TEX14: variants seen among roughly 807,000 people sequenced by gnomAD.
TEX14 encodes the protein inactive serine/threonine-protein kinase TEX14.
TEX14 carries 168 observed loss-of-function variants against 178.6 expected under a neutral mutation model. That is an observed-to-expected ratio of 0.94 (90% confidence interval 0.83 to 1.07). The LOEUF (loss-of-function observed/expected upper bound fraction) is 1.07, where lower values mean the gene tolerates loss of function less well. Ranked by LOEUF, TEX14 falls within the 50% of genes least tolerant of loss-of-function variation. The pLI is 0.00. For missense variants in TEX14, 1,730 were observed against 1,753.6 expected (o/e 0.99, Z 0.24); for synonymous variants, 626 against 634.1 (o/e 0.99, Z 0.19).
chr17:58,587,844 C>CCCCCCCCCCCCCCCCCACCA, intron 16 of TEX14, 52 bp downstream of exon 16: 1 of 1,060,390 alleles, frequency 9.4e-7, no homozygotes, highest in Non-Finnish European at 1.5e-6. Context: ...GGTGCCAGAA[C>CCCCCCCCCCCCCCCCCACCA]CCACCCCCAC....
intron 14 of TEX14, among the ~76,000 whole-genome samples, chr17:58,595,973 A>T (rs2045269215): frequency 6.6e-6 from 1 of 152,188 alleles, no homozygotes; most frequent in Non-Finnish European, 1.5e-5. Context: ...TCACAAGGTC[A>T]GGAGTTTGAG....
chr17:58,606,886 G>A (rs2045620073), intron 10 of TEX14, among the ~76,000 whole-genome samples: 1 of 151,630 alleles, frequency 6.6e-6, no homozygotes, highest in Non-Finnish European at 1.5e-5. Context: ...AAATTAGCTG[G>A]GCATGGTGGC....
At chr17:58,595,868 T>C (rs950912314) in intron 14 of TEX14, among the ~76,000 whole-genome samples, 2 of 152,256 alleles carry the variant, frequency 1.3e-5, no homozygotes, top group Non-Finnish European at 1.5e-5. Context: ...TACGCAGCAA[T>C]AGATAACAAA....
intron 3 of TEX14, among the ~76,000 whole-genome samples, chr17:58,624,331 C>A (rs946456958): frequency 1.4e-5 from 2 of 139,742 alleles, no homozygotes; most frequent in South Asian, 2.3e-4. Context: ...ATTTTCTTTT[C>A]TTTTCTTTTC....
chr17:58,624,344 T>TC (rs1430381450), intron 3 of TEX14, among the ~76,000 whole-genome samples: 13 of 148,618 alleles, frequency 8.7e-5, no homozygotes, highest in Non-Finnish European at 3.0e-5. Context: ...TTCTTTTCTT[T>TC]TTTTTTTTTT....
At chr17:58,594,669 A>C in intron 14 of TEX14, among the ~76,000 whole-genome samples, 1 of 152,218 alleles carries the variant, frequency 6.6e-6, no homozygotes, top group East Asian at 1.9e-4. Context: ...AGAATCTTGT[A>C]CTTATCCATA....
At chr17:58,626,277 G>C (rs2046138137) in intron 3 of TEX14, among the ~76,000 whole-genome samples, 1 of 152,098 alleles carries the variant, frequency 6.6e-6, no homozygotes, top group South Asian at 2.1e-4. Context: ...TAGGAATAAA[G>C]CCTCCTGGCT....
chr17:58,563,884 C>CA (rs912496851), intron 28 of TEX14, among the ~76,000 whole-genome samples: 8 of 149,580 alleles, frequency 5.3e-5, no homozygotes, highest in Non-Finnish European at 1.0e-4. Flanking sequence ...TACAAATGGC[C>CA]AACAAGCACA....
At chr17:58,628,711 C>CAA (rs551353417) in intron 3 of TEX14, among the ~76,000 whole-genome samples, 2 of 135,564 alleles carry the variant, frequency 1.5e-5, no homozygotes, top group Non-Finnish European at 3.2e-5. Context: ...GACTCTGTCT[C>CAA]AAAAAAAAAA....
chr17:58,638,964 C>T lies in TEX14; in HGVS notation c.137-8410G>A, dbSNP rs1394291998. ...CTGCAAGCTCCACCTCCCAGGTTCA[C>T]GCCATTCTCCTGCCTCAGCCTCCTG... On this transcript the variant is annotated intron_variant, in intron 2 of 31. Coordinates refer to ENST00000349033, the MANE Select transcript of TEX14 (RefSeq NM_031272.5). Among the ~76,000 whole-genome samples, 5 of 148,106 alleles carry T rather than the reference C, an allele frequency of 3.4e-5. No homozygotes were observed. The East Asian group carries it at 6.1e-4, about 18-fold the overall frequency.
intron 1 of TEX14, among the ~76,000 whole-genome samples, chr17:58,682,059 TCAA>T (rs2047509230): frequency 6.6e-6 from 1 of 151,534 alleles, no homozygotes; most frequent in Non-Finnish European, 1.5e-5. Flanking sequence ...CCCCCAGGGG[TCAA>T]GTGAGCCTCC....
chr17:58,588,177 T>C (rs2045028516), intron 15 of TEX14, among the ~76,000 whole-genome samples, 156 bp from the exon 16 acceptor site: 1 of 152,242 alleles, frequency 6.6e-6, no homozygotes, highest in Admixed American at 6.5e-5. Context: ...CCCTGGGCTG[T>C]TGCAGAGCCT....
At chr17:58,684,751 G>T (rs928755791) in intron 1 of TEX14, among the ~76,000 whole-genome samples, 3 of 152,130 alleles carry the variant, frequency 2.0e-5, no homozygotes, top group African/African-American at 7.2e-5. Flanking sequence ...GAGGTGGGCA[G>T]ATCACCTGAG....
intron 16 of TEX14, 53 bp downstream of exon 16, chr17:58,587,843 A>AGCCCCCCCCCCCC: frequency 8.9e-7 from 1 of 1,118,856 alleles, no homozygotes; most frequent in Non-Finnish European, 1.4e-6. Context: ...GGGTGCCAGA[A>AGCCCCCCCCCCCC]CCCACCCCCA....
chr17:58,686,743 G>T (rs116417751), intron 1 of TEX14, among the ~76,000 whole-genome samples: 1 of 151,226 alleles, frequency 6.6e-6, no homozygotes, highest in Non-Finnish European at 1.5e-5. Context: ...AGGCCTTAAA[G>T]AAGCTTTATC....
chr17:58,570,488 T>A lies in TEX14; in HGVS notation c.3718-4A>T. ...CAATAAATGAAGACAATCTTTTCTA[T>A]AAGGAAGAGATAAACATGGTAACTG... is the stretch of plus-strand genomic sequence containing the variant. On this transcript the variant is annotated splice_polypyrimidine_tract_variant and splice_region_variant and intron_variant, in intron 24 of 31. Coordinates refer to ENST00000349033, the MANE Select transcript of TEX14 (RefSeq NM_031272.5). 6.6e-7 allele frequency: 1 copy of A among 1,521,014 alleles called. No homozygotes were observed. The highest frequency in any genetic ancestry group is 8.7e-7 in the Non-Finnish European group (1 of 1,145,250). 94.2% of individuals were successfully genotyped at this position (1,521,014 alleles called of 1,614,324 possible).
chr17:58,608,751 T>C (rs765001276), intron 10 of TEX14, among the ~76,000 whole-genome samples: 169 of 152,342 alleles, frequency 1.1e-3, no homozygotes, highest in Non-Finnish European at 2.1e-3. Flanking sequence ...AGCATCAGTA[T>C]AGACTTCACA....
intron 1 of TEX14, among the ~76,000 whole-genome samples, chr17:58,689,378 G>A (rs2047654102): frequency 2.6e-5 from 4 of 151,726 alleles, no homozygotes; most frequent in Non-Finnish European, 5.9e-5. Context: ...ACATCAACAT[G>A]CCCAGCTAAT....
At chr17:58,623,132 TAAC>T (rs552751926) in intron 3 of TEX14, 120 bp from the exon 4 acceptor site, 59 of 803,316 alleles carry the variant, frequency 7.3e-5, no homozygotes, top group East Asian at 5.4e-4. Flanking sequence ...ACGAGGAATA[TAAC>T]AACATCATTT....
Sources: gnomAD v4.1 joint callset for allele counts (sites outside exome capture counted in the v4.1 genomes callset) on GRCh38, gnomAD v4.1.1 for gene constraint, MANE v1.5 for transcripts, NCBI Gene and HGNC (gene_info 2026-07-23, HGNC 2026-07-21) for gene names.